The following AXDND1 variants were observed in gnomAD, a reference collection of about 807,000 sequenced individuals.
AXDND1 encodes the protein axonemal dynein light chain domain containing 1.
AXDND1 carries 110 observed loss-of-function variants against 137.5 expected under a neutral mutation model. That is an observed-to-expected ratio of 0.80 (90% confidence interval 0.69 to 0.94). The LOEUF is 0.94. AXDND1 is among the 40% of genes least tolerant of loss of function. AXDND1 has a pLI of 0.00. For missense variants in AXDND1, 1,191 were observed against 1,169.8 expected (o/e 1.02, Z -0.26); for synonymous variants, 414 against 399.7 (o/e 1.04, Z -0.43).
intron 25 of AXDND1, among the ~76,000 whole-genome samples, chr1:179,546,576 T>G (rs1005308158): frequency 6.6e-6 from 1 of 152,038 alleles, no homozygotes; most frequent in Non-Finnish European, 1.5e-5. Flanking sequence ...ATTCTGTACT[T>G]AGATGTCCAG....
intron 25 of AXDND1, among the ~76,000 whole-genome samples, chr1:179,535,815 G>A (rs559196562): frequency 3.9e-5 from 6 of 152,238 alleles, no homozygotes; most frequent in African/African-American, 1.4e-4. Flanking sequence ...TTCCACAATG[G>A]TTGAACTAAT....
chr1:179,452,407 C>CATTTTCTGAGGAGAAATTCAAGCTGGCT lies in AXDND1; in HGVS notation c.1798+7203_1798+7204insATTTTCTGAGGAGAAATTCAAGCTGGCT, dbSNP rs1558198584. ...GACAATGCGATAGAAAAGAAAATCC[C>CATTTTCTGAGGAGAAATTCAAGCTGGCT]GCCGGGCGCGGTGGCTCACGCCTGT... On this transcript the variant is annotated intron_variant, in intron 16 of 25. Coordinates refer to ENST00000367618, the MANE Select transcript of AXDND1 (RefSeq NM_144696.6). 41 of 151,778 alleles carry CATTTTCTGAGGAGAAATTCAAGCTGGCT rather than the reference C, an allele frequency of 2.7e-4. 1 individual carries two copies. Among genetic ancestry groups the CATTTTCTGAGGAGAAATTCAAGCTGGCT allele is most frequent in the African/African-American group, 8.8e-4 (36 of 40,872 alleles). The allele number at this position is 151,778 out of a possible 1,614,324, so 9.4% of individuals were successfully genotyped here.
At chr1:179,419,976 C>T (rs1044628794) in intron 12 of AXDND1, among the ~76,000 whole-genome samples, 1 of 152,062 alleles carries the variant, frequency 6.6e-6, no homozygotes, top group Non-Finnish European at 1.5e-5. Flanking sequence ...TCCAGGACTT[C>T]CAGGAATAAA....
intron 12 of AXDND1, among the ~76,000 whole-genome samples, chr1:179,421,174 A>G (rs761151767): frequency 4.0e-5 from 6 of 150,068 alleles, no homozygotes; most frequent in African/African-American, 9.9e-5. Flanking sequence ...GCATTGGTCT[A>G]TATGTCTGCT....
intron 11 of AXDND1, among the ~76,000 whole-genome samples, chr1:179,408,408 C>T (rs1399654581): frequency 1.3e-5 from 2 of 150,420 alleles, no homozygotes; most frequent in Non-Finnish European, 2.9e-5. Context: ...GACAAAATCT[C>T]ACTCTGTTGC....
intron 20 of AXDND1, among the ~76,000 whole-genome samples, chr1:179,505,769 G>A (rs1668483294): frequency 6.6e-6 from 1 of 152,146 alleles, no homozygotes; most frequent in African/African-American, 2.4e-5. Flanking sequence ...AACAGTCTAG[G>A]TAAATTGCTT....
intron 17 of AXDND1, among the ~76,000 whole-genome samples, chr1:179,470,405 A>G (rs1309771937): frequency 6.6e-6 from 1 of 152,160 alleles, no homozygotes; most frequent in Non-Finnish European, 1.5e-5. Context: ...CAGAATGGGA[A>G]TATTGCTATC....
chr1:179,476,980 T>C (rs1365672729), intron 17 of AXDND1, among the ~76,000 whole-genome samples: 1 of 152,168 alleles, frequency 6.6e-6, no homozygotes, highest in African/African-American at 2.4e-5. Context: ...TCCCTTTATA[T>C]GTAAGGGTGT....
At chr1:179,539,597 A>C (rs996699995) in intron 25 of AXDND1, among the ~76,000 whole-genome samples, 1 of 152,070 alleles carries the variant, frequency 6.6e-6, no homozygotes, top group Admixed American at 6.5e-5. Flanking sequence ...GGGTAACCCA[A>C]CCTTTCTCTC....
chr1:179,411,505 C>T (rs6662500), intron 12 of AXDND1, among the ~76,000 whole-genome samples: 50,222 of 151,138 alleles, frequency 0.33, 8,744 homozygotes, highest in Middle Eastern at 0.43. Flanking sequence ...CTGCCACACC[C>T]GGCCTGTTTT....
In AXDND1 at chr1:179,490,623, A is replaced by T. The variant is rs191836511; in HGVS notation, c.2092-915A>T. ...CATACATTGAAAGAAAAAACCTTTT[A>T]TTTTATTCTCATTTAATCAATACCA... is the stretch of plus-strand genomic sequence containing the variant. On this transcript the variant is annotated intron_variant, in intron 18 of 25. Coordinates refer to ENST00000367618, the MANE Select transcript of AXDND1 (RefSeq NM_144696.6). Among the ~76,000 whole-genome samples, 290 of 152,306 alleles carry T rather than the reference A, an allele frequency of 1.9e-3. 1 individual carries two copies. The highest frequency in any genetic ancestry group is 6.5e-3 in the Admixed American group (100 of 15,306).
intron 18 of AXDND1, 78 bp downstream of exon 18, chr1:179,483,299 C>T: frequency 1.1e-6 from 1 of 919,486 alleles, no homozygotes; most frequent in African/African-American, 1.7e-5. Context: ...AATGCTCTCC[C>T]TATTTAAATG....
chr1:179,481,199 G>A (rs979391564), intron 17 of AXDND1, among the ~76,000 whole-genome samples: 14 of 151,968 alleles, frequency 9.2e-5, no homozygotes, highest in African/African-American at 3.4e-4. Context: ...TGTTCTCATT[G>A]TTCAATTCCC....
rs569437908 is a variant in AXDND1, at chr1:179,484,463, G to A, written c.2091+1242G>A. On this transcript the variant is annotated intron_variant, in intron 18 of 25. Coordinates refer to ENST00000367618, the MANE Select transcript of AXDND1 (RefSeq NM_144696.6). ...CCCCCCTGTCTTGTGGACTCTCCCA[G>A]GACTCCAGCCTGACCATGCCTGTTT... 6.6e-5 allele frequency among the ~76,000 whole-genome samples: 10 copies of A among 152,250 alleles called. No individual in the cohort carries two copies. The East Asian group carries it at 1.9e-3, about 29-fold the overall frequency.
At chr1:179,408,264 A>G (rs1446327784) in intron 11 of AXDND1, among the ~76,000 whole-genome samples, 1 of 151,664 alleles carries the variant, frequency 6.6e-6, no homozygotes, top group Non-Finnish European at 1.5e-5. Flanking sequence ...ACATTTTATA[A>G]ATTTCCTTTC....
At chr1:179,545,454 T>G (rs1672555951) in intron 25 of AXDND1, 1 of 152,204 alleles carries the variant, frequency 6.6e-6, no homozygotes, top group Non-Finnish European at 1.5e-5. Flanking sequence ...TCAGTTCCAC[T>G]CTTTACCTCT....
At chr1:179,474,787 G>C (rs1664403945) in intron 17 of AXDND1, among the ~76,000 whole-genome samples, 1 of 150,318 alleles carries the variant, frequency 6.7e-6, no homozygotes, top group Non-Finnish European at 1.5e-5. Flanking sequence ...ATTTGTGTAA[G>C]TAATGAGAAA....
intron 11 of AXDND1, among the ~76,000 whole-genome samples, chr1:179,406,175 TC>T (rs1652925282): frequency 7.3e-6 from 1 of 137,156 alleles, no homozygotes; most frequent in Admixed American, 7.1e-5. Context: ...CCAAAGTTTC[TC>T]TTGTTATTAA....
chr1:179,503,263 C>G (rs1233498242), intron 20 of AXDND1, among the ~76,000 whole-genome samples: 1 of 151,936 alleles, frequency 6.6e-6, no homozygotes. Context: ...TATTTTATGT[C>G]TCTCTGTATG....
Sources: allele counts gnomAD v4.1 joint callset (sites outside exome capture counted in the v4.1 genomes callset), GRCh38; gene constraint gnomAD v4.1.1; transcripts MANE v1.5; gene names NCBI Gene and HGNC (gene_info 2026-07-23, HGNC 2026-07-21).